The following NPR1 variants were observed in gnomAD, a reference collection of about 807,000 sequenced individuals.
NPR1 encodes the protein atrial natriuretic peptide receptor 1.
A neutral mutation model predicts 116.9 loss-of-function variants in NPR1; 57 were observed. The observed-to-expected ratio is 0.49, with a 90% CI of 0.39 to 0.61. The LOEUF (loss-of-function observed/expected upper bound fraction) is 0.61, where lower values mean the gene tolerates loss of function less well. Ranked by LOEUF, NPR1 falls within the 20% of genes least tolerant of loss-of-function variation. The probability of loss-of-function intolerance (pLI) is 0.00; values close to 1 mark genes in which losing one functional copy is unlikely to be tolerated. For synonymous variants in NPR1, 555 were observed against 601.6 expected (o/e 0.92, Z 1.13); for missense variants, 1,096 against 1,409.8 (o/e 0.78, Z 3.56).
At chr1:153,692,600 C>T (rs1355424220) in intron 20 of NPR1, among the ~76,000 whole-genome samples, 1 of 151,788 alleles carries the variant, frequency 6.6e-6, no homozygotes, top group Admixed American at 6.6e-5. Context: ...GCAACCTCCG[C>T]CTCCCAGGTT....
Position 153,688,183 on chromosome 1 carries a change from A to G in NPR1, c.2379A>G (p.Pro793=), listed in dbSNP as rs762679073. Reference sequence around the variant, plus strand: ...CTGAGGACCCACAGGAGAGGCCACCATTCCAGCAGATCCGCCTGACGTTGC... The same window carrying G: ...CTGAGGACCCACAGGAGAGGCCACCGTTCCAGCAGATCCGCCTGACGTTGC... ...CWAEDPQERP[P]FQQIRLTLRK... Residue 793 remains proline, a synonymous_variant, in exon 15 of 22, where the codon CCA becomes CCG. Coordinates refer to ENST00000368680, the MANE Select transcript of NPR1 (RefSeq NM_000906.4). 35 of 1,613,650 alleles carry G rather than the reference A, an allele frequency of 2.2e-5. No homozygotes were observed. The highest frequency in any genetic ancestry group is 2.8e-5 in the Non-Finnish European group (33 of 1,179,824).
rs1000265339 is a variant in NPR1, at chr1:153,693,859, C to CT, written c.*446dup. 5.2e-5 allele frequency: 21 copies of CT among 400,598 alleles called. No homozygotes were observed. Among genetic ancestry groups the CT allele is most frequent in the African/African-American group, 3.9e-4 (19 of 48,672 alleles). The allele number at this position is 400,598 out of a possible 1,614,324, so 24.8% of individuals were successfully genotyped here. A position where few individuals can be genotyped will look rare whatever the true frequency, so the allele number is the denominator to read the frequency against. ...CACATCTGGGGCTGGCCCACAATAC[C>CT]TGCTCCCCCGACCCCCTCCACCCAG... On this transcript the variant is annotated 3_prime_UTR_variant, in exon 22 of 22. Transcript: ENST00000368680.
rs2101739016 is a variant in NPR1, at chr1:153,689,686, A to G, written c.2758-120A>G. The G allele has an allele frequency of 7.9e-7, 1 of 1,258,764 alleles. No individual in the cohort carries two copies. The highest frequency in any genetic ancestry group is 1.5e-5 in the African/African-American group (1 of 67,758). The allele number at this position is 1,258,764 out of a possible 1,614,324, so 78.0% of individuals were successfully genotyped here. A position where few individuals can be genotyped will look rare whatever the true frequency, so the allele number is the denominator to read the frequency against. On this transcript the variant is annotated intron_variant, in intron 18 of 21. Transcript: ENST00000368680. The surrounding 1 kb of genome is among the most constrained non-coding windows in gnomAD (Gnocchi z 5.1). ...GGAACAGGCAGAGAACCCATGTGGG[A>G]TGGGGGATGAGCAAAGACAGATGAG...
chr1:153,690,017 C>A, intron 19 of NPR1, 37 bp downstream of exon 19: 1 of 1,462,704 alleles, frequency 6.8e-7, no homozygotes. Flanking sequence ...CATCCAGAGG[C>A]CAAGGCTTCG....
At chr1:153,693,051 T>G in intron 20 of NPR1, 55 bp from the exon 21 acceptor site, 1 of 1,432,232 alleles carries the variant, frequency 7.0e-7, no homozygotes, top group Non-Finnish European at 9.7e-7. Context: ...TGCCTCTACT[T>G]TCCTGCTCTC....
At chr1:153,691,802 GA>G (rs929414622) in intron 20 of NPR1, among the ~76,000 whole-genome samples, 2 of 151,656 alleles carry the variant, frequency 1.3e-5, no homozygotes, top group African/African-American at 2.4e-5. Flanking sequence ...AGGAGGCTGA[GA>G]CATGAAAATC....
chr1:153,684,386 C>CTTTCT (rs1669868184), intron 7 of NPR1, among the ~76,000 whole-genome samples: 1 of 89,014 alleles, frequency 1.1e-5, no homozygotes, highest in Non-Finnish European at 2.1e-5. Context: ...TTCTTTCTTT[C>CTTTCT]TTTTTTTTTT....
At position 153,682,503 on chromosome 1, in the gene NPR1, A is replaced by T. The variant is rs1156283535; in HGVS notation, c.1177A>T (p.Thr393Ser). The change falls in exon 5 of 22, where the codon ACA becomes TCA. Residue 393 changes from threonine (T) to serine (S), a missense_variant. Physicochemically the swap from Thr to Ser is moderately conservative, Grantham distance 58. Coordinates refer to ENST00000368680, the MANE Select transcript of NPR1 (RefSeq NM_000906.4). ...ATCTTCCCCCATGTCCTCAGGTGTG[A>T]CAGGATACCTGAAAATTGATAGCAG... Reference protein sequence around the residue: ...RMWNRSFQGVTGYLKIDSSGD... With the variant: ...RMWNRSFQGVSGYLKIDSSGD... 1.2e-6 allele frequency: 2 copies of T among 1,612,916 alleles called. No homozygotes were observed. Among genetic ancestry groups the T allele is most frequent in the South Asian group, 2.2e-5 (2 of 91,030 alleles).
intron 15 of NPR1, 40 bp downstream of exon 15, chr1:153,688,261 C>T: frequency 1.3e-6 from 2 of 1,592,094 alleles, no homozygotes; most frequent in South Asian, 2.3e-5. Flanking sequence ...GCCCTTCCTC[C>T]ACAGCCACCA....
intron 13 of NPR1, 118 bp from the exon 14 acceptor site, chr1:153,687,513 GCCT>G: frequency 1.4e-6 from 2 of 1,469,970 alleles, no homozygotes; most frequent in East Asian, 4.6e-5. Flanking sequence ...GGTTTCTAAG[GCCT>G]CCTCTAGCTC....
intron 4 of NPR1, 54 bp downstream of exon 4, chr1:153,681,893 G>A: frequency 2.5e-6 from 4 of 1,596,326 alleles, no homozygotes; most frequent in South Asian, 1.1e-5. Context: ...AATCCCAGGT[G>A]CCCAGTGTCA....
At position 153,687,354 on chromosome 1, in the gene NPR1, C is replaced by CCAGTG; in HGVS notation, c.2091_2092+3dup. 1 of 1,613,878 alleles carries CCAGTG rather than the reference C, an allele frequency of 6.2e-7. No homozygotes were observed. Among genetic ancestry groups the CCAGTG allele is most frequent in the East Asian group, 2.2e-5 (1 of 44,884 alleles). On this transcript the variant is annotated frameshift_variant and splice_region_variant, in exon 13 of 22. Transcript: ENST00000368680. LOFTEE classifies it high-confidence loss of function. ...CCAGAGCAAGGACACACCGTTTATG[C>CCAGTG]CAGTGAGCCTTGACTCTTGAACCTA...
Position 153,679,677 on chromosome 1 carries a change from C to T in NPR1, c.569C>T (p.Pro190Leu), listed in dbSNP as rs779529796. 5.0e-6 allele frequency: 8 copies of T among 1,608,990 alleles called. No individual in the cohort carries two copies. In the Admixed American group the frequency reaches 8.4e-5, roughly 17 times the overall value. The stretch of plus-strand genomic sequence containing the variant: ...GCGCTCATGCTCTACGCCTACCGGC[C>T]GGGTGACGAAGAGCACTGCTTCTTC... The part of the protein sequence containing the change: ...RQALMLYAYR[P>L]GDEEHCFFLV... Residue 190 changes from proline (P) to leucine (L), a missense_variant, in exon 1 of 22, where the codon CCG (proline) becomes CTG (leucine). Pro to Leu is a moderately conservative substitution (Grantham distance 98). Transcript: ENST00000368680. The surrounding 1 kb of genome is among the most constrained non-coding windows in gnomAD (Gnocchi z 4.2).
intron 20 of NPR1, among the ~76,000 whole-genome samples, chr1:153,691,983 T>C (rs1557967132): frequency 6.6e-6 from 1 of 151,644 alleles, no homozygotes; most frequent in Non-Finnish European, 1.5e-5. Context: ...AGTAGGGACA[T>C]GAGTTCAGAC....
At chr1:153,690,864 A>T (rs1167170739) in intron 20 of NPR1, among the ~76,000 whole-genome samples, 1 of 147,214 alleles carries the variant, frequency 6.8e-6, no homozygotes, top group East Asian at 2.0e-4. Context: ...AATTGCTTGA[A>T]CCCGGGAGGC....
intron 19 of NPR1, 128 bp downstream of exon 19, chr1:153,690,108 GTCTC>G (rs1156364963): frequency 0.072 from 21,917 of 302,772 alleles, 417 homozygotes; most frequent in African/African-American, 0.18. Context: ...CTCTCTCTCT[GTCTC>G]TCTCTCTCTC....
In NPR1 at chr1:153,685,040, G is replaced by A. The variant is rs1186749259; in HGVS notation, c.1561G>A (p.Glu521Lys). ...RWEDVEPSSL[E>K]RHLRSAGSRL... is the part of the protein sequence containing the mutation. ...GGAGGACGTTGAGCCCAGTAGCCTT[G>A]AGAGGCACCTGCGGAGTGCAGGCAG... The change falls in exon 8 of 22, where the codon GAG becomes AAG. Residue 521 changes from glutamate to lysine, a missense_variant. Physicochemically the swap from Glu to Lys is moderately conservative, Grantham distance 56 (BLOSUM62 1). Transcript: ENST00000368680. 1 of 1,614,080 alleles carries A rather than the reference G, an allele frequency of 6.2e-7. No individual in the cohort carries two copies. The highest frequency in any genetic ancestry group is 8.5e-7 in the Non-Finnish European group (1 of 1,180,028).
Position 153,680,492 on chromosome 1 carries a change from T to C in NPR1, c.722-9T>C. The C allele has an allele frequency of 6.2e-7, 1 of 1,613,964 alleles. No individual in the cohort carries two copies. On this transcript the variant is annotated splice_polypyrimidine_tract_variant and intron_variant, in intron 1 of 21. Transcript: ENST00000368680. ...AGGCTTCTCTCTCTGACTCTCCGTCTTTCTCCAGTTATCTACATCTGCAGC... is the reference window on the plus strand; with the variant it reads ...AGGCTTCTCTCTCTGACTCTCCGTCCTTCTCCAGTTATCTACATCTGCAGC...
rs1456171623 is a variant in NPR1, at chr1:153,690,277, C to T, written c.2933-7C>T. ...ATGGGCTCTGCTCCTTCCCTTGCTC[C>T]TCCCAGGACCTGTGTGTGCTGGAGT... On this transcript the variant is annotated splice_region_variant and splice_polypyrimidine_tract_variant and intron_variant, in intron 19 of 21. Transcript: ENST00000368680. 2 of 1,552,784 alleles carry T rather than the reference C, an allele frequency of 1.3e-6. No homozygotes were observed. Among genetic ancestry groups the T allele is most frequent in the South Asian group, 2.4e-5 (2 of 84,266 alleles).
Sources: gnomAD v4.1 joint callset for allele counts (sites outside exome capture counted in the v4.1 genomes callset) on GRCh38, gnomAD v4.1.1 for gene constraint, Gnocchi (gnomAD v3.1) non-coding constraint, MANE v1.5 for transcripts, NCBI Gene and HGNC (gene_info 2026-07-23, HGNC 2026-07-21) for gene names.